NEK11: variants seen among roughly 807,000 people sequenced by gnomAD.
NEK11 encodes NIMA related kinase 11.
In NEK11, 72 loss-of-function variants were observed where a neutral mutation model predicts 80.7. The ratio of observed to expected loss-of-function variants is 0.89; its 90% CI spans 0.74 to 1.08. The LOEUF (loss-of-function observed/expected upper bound fraction) is 1.08, where lower values mean the gene tolerates loss of function less well. Among genes scored for constraint, NEK11 ranks in the 50% least tolerant of loss-of-function variants. The pLI, the probability that NEK11 is intolerant of heterozygous loss-of-function variation, is 0.00. For missense variants in NEK11, 764 were observed against 763.6 expected (o/e 1.00, Z -0.01); for synonymous variants, 251 against 260.7 (o/e 0.96, Z 0.36).
chr3:131,160,828 G>A (rs2091446696), intron 10 of NEK11, among the ~76,000 whole-genome samples: 1 of 152,068 alleles, frequency 6.6e-6, no homozygotes, highest in Non-Finnish European at 1.5e-5. Context: ...AAACAAAGAA[G>A]AGCATTACAT....
intron 3 of NEK11, among the ~76,000 whole-genome samples, chr3:131,073,283 C>A (rs1378974510): frequency 6.6e-6 from 1 of 152,100 alleles, no homozygotes; most frequent in Non-Finnish European, 1.5e-5. Context: ...GTCTTCAAAC[C>A]ACCTACTCCT....
At chr3:131,187,588 A>G (rs749207287) in intron 14 of NEK11, among the ~76,000 whole-genome samples, 8 of 152,188 alleles carry the variant, frequency 5.3e-5, no homozygotes, top group Non-Finnish European at 4.4e-5. Context: ...GCAAAGAGGT[A>G]AAAGATGAAG....
At chr3:131,167,956 A>G (rs1322243576) in intron 12 of NEK11, among the ~76,000 whole-genome samples, 1 of 152,126 alleles carries the variant, frequency 6.6e-6, no homozygotes, top group Non-Finnish European at 1.5e-5. Context: ...CATGTTTCCT[A>G]TGTTTATATA....
chr3:131,202,303 T>C (rs371799760), intron 14 of NEK11, among the ~76,000 whole-genome samples: 1 of 152,086 alleles, frequency 6.6e-6, no homozygotes, highest in Non-Finnish European at 1.5e-5. Context: ...TCACCACACC[T>C]GGGAAGTGCA....
At chr3:131,328,280 T>A (rs1236647489) in intron 17 of NEK11, 2 of 150,418 alleles carry the variant, frequency 1.3e-5, no homozygotes, top group Non-Finnish European at 2.9e-5. Flanking sequence ...AGCAAGACCC[T>A]GTTTCTAAAA....
Position 131,206,093 on chromosome 3 carries a change from A to G in NEK11, c.1400-22435A>G, listed in dbSNP as rs180896673. 3.3e-5 allele frequency among the ~76,000 whole-genome samples: 5 copies of G among 152,302 alleles called. No individual in the cohort carries two copies. In the East Asian group the frequency reaches 9.6e-4, roughly 29 times the overall value. ...AGTATAACACAGAGCACCCACATTCACCAAAAGAAGCCTTGTACAGGCACC... is the reference window on the plus strand; with the variant it reads ...AGTATAACACAGAGCACCCACATTCGCCAAAAGAAGCCTTGTACAGGCACC... On this transcript the variant is annotated intron_variant, in intron 14 of 17. Coordinates refer to ENST00000383366, the MANE Select transcript of NEK11 (RefSeq NM_024800.5).
chr3:131,266,596 C>T (rs1231050634), intron 16 of NEK11, among the ~76,000 whole-genome samples: 3 of 152,158 alleles, frequency 2.0e-5, no homozygotes. Context: ...CATTCTTTTG[C>T]ATTTGCTAAA....
At chr3:131,172,574 T>C (rs1400044396) in intron 14 of NEK11, among the ~76,000 whole-genome samples, 1 of 152,242 alleles carries the variant, frequency 6.6e-6, no homozygotes, top group Non-Finnish European at 1.5e-5. Context: ...GATTTCTGTC[T>C]TAGGCCTTTT....
At chr3:131,145,764 C>CA (rs149845299) in intron 7 of NEK11, among the ~76,000 whole-genome samples, 85 of 152,180 alleles carry the variant, frequency 5.6e-4, no homozygotes, top group Non-Finnish European at 9.6e-4. Context: ...GCTTTATGAC[C>CA]TACTCAGTAT....
chr3:131,086,880 G>A (rs951672241), intron 4 of NEK11, among the ~76,000 whole-genome samples: 10 of 152,244 alleles, frequency 6.6e-5, no homozygotes, highest in Admixed American at 3.9e-4. Flanking sequence ...GACTAGATAA[G>A]GTTTTAAATA....
chr3:131,289,830 G>A (rs570409305), intron 17 of NEK11, among the ~76,000 whole-genome samples: 6 of 152,282 alleles, frequency 3.9e-5, no homozygotes, highest in Non-Finnish European at 8.8e-5. Context: ...TTCTTGATAA[G>A]ACAAACCCAG....
intron 17 of NEK11, among the ~76,000 whole-genome samples, chr3:131,313,185 G>A (rs1025345290): frequency 6.6e-6 from 1 of 152,080 alleles, no homozygotes; most frequent in African/African-American, 2.4e-5. Context: ...AGTATTCCAT[G>A]GTGTATATGT....
At chr3:131,299,926 A>G (rs929614560) in intron 17 of NEK11, among the ~76,000 whole-genome samples, 2 of 152,162 alleles carry the variant, frequency 1.3e-5, no homozygotes, top group African/African-American at 4.8e-5. Flanking sequence ...TGGTAGTTCT[A>G]TTTTTAAGTT....
At chr3:131,152,065 CA>C (rs1176531962) in intron 7 of NEK11, among the ~76,000 whole-genome samples, 1 of 152,078 alleles carries the variant, frequency 6.6e-6, no homozygotes, top group Non-Finnish European at 1.5e-5. Context: ...AAAGCTAATT[CA>C]AAAAATCCTT....
intron 17 of NEK11, among the ~76,000 whole-genome samples, chr3:131,336,676 C>T (rs1396169949): frequency 1.3e-5 from 2 of 152,182 alleles, no homozygotes; most frequent in South Asian, 4.1e-4. Flanking sequence ...TCAGAGTGAA[C>T]AGGCAACCTA....
intron 17 of NEK11, among the ~76,000 whole-genome samples, chr3:131,324,415 A>AT (rs1561542150): frequency 6.6e-6 from 1 of 152,234 alleles, no homozygotes; most frequent in African/African-American, 2.4e-5. Context: ...GCTCTGAGAA[A>AT]TTCTTCCAAC....
intron 3 of NEK11, among the ~76,000 whole-genome samples, chr3:131,078,491 C>G (rs1203617971): frequency 6.6e-6 from 1 of 151,986 alleles, no homozygotes; most frequent in Non-Finnish European, 1.5e-5. Context: ...TAGTCTCTCA[C>G]TGAGAAATGG....
chr3:131,056,955 T>C (rs1254548151), intron 3 of NEK11, among the ~76,000 whole-genome samples: 1 of 151,730 alleles, frequency 6.6e-6, no homozygotes, highest in Non-Finnish European at 1.5e-5. Flanking sequence ...GTTACATATG[T>C]ATACATGTGC....
chr3:131,227,107 T>C (rs921448210), intron 14 of NEK11, among the ~76,000 whole-genome samples: 5 of 152,046 alleles, frequency 3.3e-5, no homozygotes, highest in African/African-American at 4.8e-5. Flanking sequence ...AGATCCCTAG[T>C]ACACTGCTTT....
Sources: gnomAD v4.1 joint callset for allele counts (sites outside exome capture counted in the v4.1 genomes callset) on GRCh38, gnomAD v4.1.1 for gene constraint, MANE v1.5 for transcripts, NCBI Gene and HGNC (gene_info 2026-07-23, HGNC 2026-07-21) for gene names.